The following ZNF644 variants were observed in gnomAD, a reference collection of about 807,000 sequenced individuals.
ZNF644 encodes zinc finger protein 644.
In ZNF644, 20 loss-of-function variants were observed where a neutral mutation model predicts 108.0. The observed-to-expected ratio is 0.19, with a 90% CI of 0.13 to 0.27. The LOEUF (loss-of-function observed/expected upper bound fraction) is 0.27, where lower values mean the gene tolerates loss of function less well. Among genes scored for constraint, ZNF644 ranks in the 10% least tolerant of loss-of-function variants. ZNF644 has a pLI of 1.00. For missense variants in ZNF644, 1,338 were observed against 1,548.9 expected, an observed-to-expected ratio of 0.86 and a Z score of 2.29; for synonymous variants, 542 against 539.1, an observed-to-expected ratio of 1.01 and a Z score of -0.08.
intron 2 of ZNF644, among the ~76,000 whole-genome samples, chr1:90,970,654 C>T (rs1191181350): frequency 6.6e-6 from 1 of 152,006 alleles, no homozygotes; most frequent in Non-Finnish European, 1.5e-5. Flanking sequence ...TAATTGAAAA[C>T]AATGGTCTAG....
rs1657368919 is a variant in ZNF644, at chr1:90,988,872, T to A, written c.-17-6502A>T. 3.3e-5 allele frequency among the ~76,000 whole-genome samples: 5 copies of A among 152,144 alleles called. No individual in the cohort carries two copies. In the South Asian group the frequency reaches 1.0e-3, roughly 32 times the overall value. ...AAGTCGGACCCTTACTTACACCACA[T>A]ACAAAAATTAATTCAAAATGGATAA... On this transcript the variant is annotated intron_variant, in intron 1 of 5. Transcript: ENST00000337393.
intron 1 of ZNF644, among the ~76,000 whole-genome samples, chr1:90,999,734 C>T (rs985086386): frequency 2.6e-5 from 4 of 152,160 alleles, no homozygotes; most frequent in African/African-American, 9.7e-5. Flanking sequence ...TTAAAAGACA[C>T]AGACTGGCAA....
chr1:90,938,096 A>G lies in ZNF644; in HGVS notation c.3083-6T>C. ...GGTTTCAGACTTCTCTATAGCTAGA[A>G]AAAAATTTTTAAGAGTAATATCAGA... On this transcript the variant is annotated splice_region_variant and splice_polypyrimidine_tract_variant and intron_variant, in intron 3 of 5. Transcript: ENST00000337393. This position sits in a 1 kb window ranked among gnomAD's most constrained non-coding sequence, Gnocchi z 4.2. The G allele has an allele frequency of 6.2e-7, 1 of 1,610,994 alleles. No homozygotes were observed. Among genetic ancestry groups the G allele is most frequent in the East Asian group, 2.2e-5 (1 of 44,828 alleles).
chr1:90,982,168 G>C lies in ZNF644; in HGVS notation c.44+142C>G, dbSNP rs1656614340. On this transcript the variant is annotated intron_variant, in intron 2 of 5. Transcript: ENST00000337393. Reference sequence around the variant, plus strand: ...CCATCAAATCAACTGGACCAAGTGTGTCAAAAAGTCAATTATTTGCATTTC... The same window carrying C: ...CCATCAAATCAACTGGACCAAGTGTCTCAAAAAGTCAATTATTTGCATTTC... The C allele has an allele frequency of 4.6e-6, 3 of 652,662 alleles. No homozygotes were observed. The Admixed American group carries it at 7.4e-5, about 16-fold the overall frequency. The allele number at this position is 652,662 out of a possible 1,614,324, so 40.4% of individuals were successfully genotyped here.
chr1:90,965,824 A>G (rs1009812356), intron 2 of ZNF644, among the ~76,000 whole-genome samples: 2 of 152,052 alleles, frequency 1.3e-5, no homozygotes, highest in Non-Finnish European at 2.9e-5. Flanking sequence ...ATCTCGGCTC[A>G]CTGATACCTT....
intron 2 of ZNF644, among the ~76,000 whole-genome samples, chr1:90,956,263 A>G (rs1008745852): frequency 1.3e-5 from 2 of 152,232 alleles, no homozygotes; most frequent in African/African-American, 2.4e-5. Context: ...TGTGAGGATT[A>G]CCTAAATGTG....
intron 2 of ZNF644, among the ~76,000 whole-genome samples, chr1:90,966,935 T>C (rs922544184): frequency 1.3e-5 from 2 of 152,068 alleles, no homozygotes; most frequent in African/African-American, 4.8e-5. Context: ...AGAAAGAGTT[T>C]CTTAAAGTTA....
chr1:90,985,030 C>A (rs1412507428), intron 1 of ZNF644, among the ~76,000 whole-genome samples: 1 of 152,162 alleles, frequency 6.6e-6, no homozygotes, highest in South Asian at 2.1e-4. Flanking sequence ...ACAAACACCA[C>A]ACACATACAA....
At chr1:90,980,366 A>C (rs899713194) in intron 2 of ZNF644, among the ~76,000 whole-genome samples, 11 of 152,228 alleles carry the variant, frequency 7.2e-5, no homozygotes, top group African/African-American at 2.7e-4. Flanking sequence ...AACTAGGAAT[A>C]TGAAACATCA....
intron 1 of ZNF644, among the ~76,000 whole-genome samples, chr1:91,005,289 T>C (rs1383542916): frequency 6.6e-6 from 1 of 152,142 alleles, no homozygotes; most frequent in Non-Finnish European, 1.5e-5. Context: ...ATGCCACTTA[T>C]AAACATGTGT....
chr1:90,978,009 T>A (rs1656175897), intron 2 of ZNF644, among the ~76,000 whole-genome samples: 1 of 152,194 alleles, frequency 6.6e-6, no homozygotes, highest in Admixed American at 6.6e-5. Context: ...TGCTGTACTA[T>A]TTGCTCATAA....
chr1:90,952,876 T>C (rs1013876006), intron 2 of ZNF644, among the ~76,000 whole-genome samples: 2 of 151,750 alleles, frequency 1.3e-5, no homozygotes, highest in African/African-American at 2.4e-5. Context: ...CACCTGGAAC[T>C]CTGAGATGAA....
intron 2 of ZNF644, 67 bp from the exon 3 acceptor site, chr1:90,941,376 G>C: frequency 7.3e-7 from 1 of 1,366,322 alleles, no homozygotes; most frequent in Non-Finnish European, 1.0e-6. Flanking sequence ...TGTATGGAGA[G>C]TTGAAAGTAC....
In ZNF644 at chr1:90,939,218, T is replaced by C. The variant is rs1333291757; in HGVS notation, c.2136A>G (p.Lys712=). The C allele has an allele frequency of 2.5e-6, 4 of 1,613,914 alleles. No individual in the cohort carries two copies. The highest frequency in any genetic ancestry group is 1.3e-5 in the African/African-American group (1 of 74,936). The change falls in exon 3 of 6, where the codon AAA becomes AAG. Residue 712 remains lysine (K), a synonymous_variant. Transcript: ENST00000337393. ...NSSPHKNVTI[K]SSVDQKPKYF... is the part of the protein sequence containing the mutation. ...ACTTAGGTTTTTGGTCAACGCTGCT[T>C]TTAATTGTAACATTCTTATGAGGAG...
At chr1:91,018,493 CGTTTT>C (rs1455671023) in intron 1 of ZNF644, among the ~76,000 whole-genome samples, 1 of 152,172 alleles carries the variant, frequency 6.6e-6, no homozygotes, top group South Asian at 2.1e-4. Flanking sequence ...TCTTCATTCT[CGTTTT>C]ATTTTACAAG....
At chr1:91,017,435 ACTTTCTC>A (rs1477340483) in intron 1 of ZNF644, among the ~76,000 whole-genome samples, 1 of 152,260 alleles carries the variant, frequency 6.6e-6, no homozygotes, top group East Asian at 1.9e-4. Flanking sequence ...ATCCAGTCTC[ACTTTCTC>A]CCAACCAAGA....
intron 2 of ZNF644, among the ~76,000 whole-genome samples, chr1:90,944,235 G>T (rs2100994896): frequency 6.6e-6 from 1 of 152,180 alleles, no homozygotes; most frequent in South Asian, 2.1e-4. Context: ...TGAACAGCAG[G>T]GTGACAAACT....
rs368604647 is a variant in ZNF644, at chr1:90,952,053, TTCTC to T, written c.45-10748_45-10745del. The stretch of plus-strand genomic sequence containing the variant: ...TATCTGTCTCTCTCTCTCTCCATAT[TTCTC>T]TCTCTCACCCCTCTCCCTGACTCCC... On this transcript the variant is annotated intron_variant, in intron 2 of 5. Transcript: ENST00000337393. 2.7e-3 allele frequency among the ~76,000 whole-genome samples: 406 copies of T among 152,196 alleles called. 2 individuals are homozygous for T. The highest frequency in any genetic ancestry group is 9.3e-3 in the African/African-American group (388 of 41,544).
intron 1 of ZNF644, among the ~76,000 whole-genome samples, chr1:90,982,605 A>C (rs1039661269): frequency 1.3e-5 from 2 of 152,126 alleles, no homozygotes; most frequent in Non-Finnish European, 2.9e-5. Flanking sequence ...TTCAAATGAG[A>C]AATTGAAACT....
Sources: allele counts gnomAD v4.1 joint callset (sites outside exome capture counted in the v4.1 genomes callset), GRCh38; gene constraint gnomAD v4.1.1; non-coding constraint Gnocchi (gnomAD v3.1); transcripts MANE v1.5; gene names NCBI Gene and HGNC (gene_info 2026-07-23, HGNC 2026-07-21).